RNF38: variants seen among roughly 807,000 people sequenced by gnomAD.
RNF38 encodes the protein E3 ubiquitin-protein ligase RNF38.
In RNF38, 15 loss-of-function variants were observed where a neutral mutation model predicts 67.2. The ratio of observed to expected loss-of-function variants is 0.22; its 90% CI spans 0.15 to 0.34. RNF38 has a LOEUF of 0.34. RNF38 is among the 10% of genes least tolerant of loss of function. The probability of loss-of-function intolerance (pLI) is 1.00; values close to 1 mark genes in which losing one functional copy is unlikely to be tolerated. For synonymous variants in RNF38, 220 were observed against 218.8 expected (o/e 1.01, Z -0.05); for missense variants, 524 against 639.9 (o/e 0.82, Z 1.95).
chr9:36,348,055 AAC>A (rs1173427312), intron 9 of RNF38, among the ~76,000 whole-genome samples: 1 of 151,946 alleles, frequency 6.6e-6, no homozygotes, highest in Admixed American at 6.6e-5. Flanking sequence ...CAGCCTGGGC[AAC>A]AGAGTGAGAT....
At chr9:36,471,971 CT>C (rs918236284) in intron 1 of RNF38, among the ~76,000 whole-genome samples, 2 of 151,868 alleles carry the variant, frequency 1.3e-5, no homozygotes, top group Admixed American at 6.6e-5. Flanking sequence ...AGGAATGTTT[CT>C]TTTTTTTAGC....
At chr9:36,416,720 T>C (rs1838479440) in intron 2 of RNF38, among the ~76,000 whole-genome samples, 1 of 147,958 alleles carries the variant, frequency 6.8e-6, no homozygotes, top group Non-Finnish European at 1.5e-5. Context: ...TCTACAGGGC[T>C]CCTTCTTGCT....
chr9:36,394,994 A>T (rs1015733712), intron 1 of RNF38, among the ~76,000 whole-genome samples: 1 of 152,242 alleles, frequency 6.6e-6, no homozygotes, highest in Admixed American at 6.5e-5. Flanking sequence ...GACCACATTA[A>T]GTCTGCAACT....
chr9:36,397,365 C>T (rs888348548), intron 1 of RNF38, among the ~76,000 whole-genome samples: 2 of 152,034 alleles, frequency 1.3e-5, no homozygotes, highest in African/African-American at 4.8e-5. Flanking sequence ...CCACCAACCT[C>T]GGCCTCCCAA....
intron 1 of RNF38, among the ~76,000 whole-genome samples, chr9:36,398,601 A>G (rs1025289123): frequency 1.3e-5 from 2 of 152,178 alleles, no homozygotes; most frequent in Non-Finnish European, 2.9e-5. Flanking sequence ...CTAGACAAGA[A>G]CTATACTGTT....
chr9:36,420,048 G>C (rs567594393), intron 2 of RNF38, among the ~76,000 whole-genome samples: 3 of 152,280 alleles, frequency 2.0e-5, no homozygotes, highest in Admixed American at 1.3e-4. Context: ...AGTTGAATGG[G>C]TGAAGTTAAA....
At chr9:36,400,701 C>T, upstream of RNF38, 1 of 986,076 alleles carries the variant, frequency 1.0e-6, no homozygotes, top group Non-Finnish European at 1.2e-6. Flanking sequence ...CCGGCTCCAA[C>T]TTAGGCACTG....
chr9:36,350,576 A>G (rs1023986400), intron 9 of RNF38, among the ~76,000 whole-genome samples: 1 of 152,216 alleles, frequency 6.6e-6, no homozygotes, highest in South Asian at 2.1e-4. Flanking sequence ...AAGCTTATAC[A>G]TTATTTAAGA....
intron 1 of RNF38, among the ~76,000 whole-genome samples, chr9:36,479,676 C>T (rs1000771189): frequency 6.6e-6 from 1 of 152,120 alleles, no homozygotes; most frequent in Non-Finnish European, 1.5e-5. Context: ...ATTGGCATTA[C>T]TGGCACTCAG....
intron 1 of RNF38, among the ~76,000 whole-genome samples, chr9:36,450,605 A>C (rs532238049): frequency 6.6e-6 from 1 of 152,290 alleles, no homozygotes; most frequent in South Asian, 2.1e-4. Context: ...TCATCACTAT[A>C]CCTATTCAAT....
intron 4 of RNF38, among the ~76,000 whole-genome samples, chr9:36,366,420 A>G (rs946160300): frequency 6.6e-6 from 1 of 152,174 alleles, no homozygotes; most frequent in Admixed American, 6.5e-5. Flanking sequence ...TGGGTTGTTC[A>G]GTGTTAATGT....
chr9:36,481,261 C>T (rs374144210), intron 1 of RNF38, among the ~76,000 whole-genome samples: 3 of 152,068 alleles, frequency 2.0e-5, no homozygotes, highest in South Asian at 2.1e-4. Flanking sequence ...GTGATCCACC[C>T]GCCTCGACCT....
chr9:36,371,762 C>G (rs902320748), intron 3 of RNF38, among the ~76,000 whole-genome samples: 1 of 151,784 alleles, frequency 6.6e-6, no homozygotes, highest in South Asian at 2.1e-4. Context: ...TACATTATTT[C>G]TTTTAAATTT....
At chr9:36,350,973 T>G (rs968753975) in intron 9 of RNF38, 142 bp downstream of exon 9, 3 of 651,946 alleles carry the variant, frequency 4.6e-6, no homozygotes, top group South Asian at 1.8e-5. Context: ...GTGTATCTTA[T>G]GTGTGGCCCA....
chr9:36,440,892 G>A (rs538657152), intron 1 of RNF38, among the ~76,000 whole-genome samples: 1 of 152,284 alleles, frequency 6.6e-6, no homozygotes, highest in East Asian at 1.9e-4. Context: ...GGTGGATCAC[G>A]AGGTCAGCTT....
intron 1 of RNF38, 86 bp downstream of exon 1, chr9:36,400,011 T>C: frequency 8.3e-7 from 1 of 1,208,428 alleles, no homozygotes; most frequent in Non-Finnish European, 1.2e-6. Context: ...CATGTGTGTG[T>C]TTCTACTTAC....
Position 36,352,772 on chromosome 9 carries a change from G to A in RNF38, c.1148C>T (p.Pro383Leu). The A allele has an allele frequency of 6.2e-7, 1 of 1,613,808 alleles. No individual in the cohort carries two copies. The highest frequency in any genetic ancestry group is 1.1e-5 in the South Asian group (1 of 91,070). ...YRSQQPIPPP[P>L]YHPSLLPYVL... ...ATATGGCAGTAAGCTGGGATGATAA[G>A]GGGGAGGTGGTATTGGCTGCTGGGA... Residue 383 changes from proline (P) to leucine (L), a missense_variant, in exon 8 of 12, where the codon CCT becomes CTT. Coordinates refer to ENST00000259605, the MANE Select transcript of RNF38 (RefSeq NM_022781.5).
chr9:36,464,295 G>A (rs752453642), intron 1 of RNF38, among the ~76,000 whole-genome samples: 14 of 151,980 alleles, frequency 9.2e-5, no homozygotes, highest in East Asian at 1.9e-4. Context: ...TAGGCCGGGC[G>A]CAGTGGCTCA....
intron 2 of RNF38, among the ~76,000 whole-genome samples, chr9:36,413,609 G>A (rs1838386764): frequency 6.6e-6 from 1 of 152,150 alleles, no homozygotes; most frequent in South Asian, 2.1e-4. Flanking sequence ...ATATGTTTCT[G>A]TTTGTTTGTG....
Sources: allele counts gnomAD v4.1 joint callset (sites outside exome capture counted in the v4.1 genomes callset), GRCh38; gene constraint gnomAD v4.1.1; transcripts MANE v1.5; gene names NCBI Gene and HGNC (gene_info 2026-07-23, HGNC 2026-07-21).